GFRAL: variants seen among roughly 807,000 people sequenced by gnomAD.
GFRAL encodes GDNF family receptor alpha-like.
GFRAL carries 36 observed loss-of-function variants against 45.4 expected under a neutral mutation model. That is an observed-to-expected ratio of 0.79 (90% CI 0.61 to 1.05). The LOEUF (loss-of-function observed/expected upper bound fraction) is 1.05. Among genes scored for constraint, GFRAL ranks in the 50% least tolerant of loss-of-function variants. The probability of loss-of-function intolerance (pLI) is 0.00; values close to 1 mark genes in which losing one functional copy is unlikely to be tolerated. For missense variants in GFRAL, 507 were observed against 467.5 expected (o/e 1.08, Z -0.78); for synonymous variants, 166 against 154.1 (o/e 1.08, Z -0.57).
chr6:55,358,467 G>A (rs1007819443), intron 5 of GFRAL, among the ~76,000 whole-genome samples: 1 of 151,786 alleles, frequency 6.6e-6, no homozygotes, highest in African/African-American at 2.4e-5. Flanking sequence ...CCATCCTGTG[G>A]GATAACTGAC....
chr6:55,377,608 G>T (rs1410659982), intron 6 of GFRAL, among the ~76,000 whole-genome samples: 3 of 151,954 alleles, frequency 2.0e-5, no homozygotes, highest in Admixed American at 2.0e-4. Context: ...CTTATCTGTG[G>T]GGAGGCTGGG....
chr6:55,337,163 C>T (rs778906761), intron 3 of GFRAL, among the ~76,000 whole-genome samples: 22 of 152,036 alleles, frequency 1.4e-4, no homozygotes, highest in Non-Finnish European at 2.9e-4. Flanking sequence ...TTCTCCTCCC[C>T]CGTGTCCTGC....
At chr6:55,362,148 T>C (rs779777054) in intron 6 of GFRAL, among the ~76,000 whole-genome samples, 2 of 151,784 alleles carry the variant, frequency 1.3e-5, no homozygotes, top group Admixed American at 1.3e-4. Context: ...GGAACAAAAA[T>C]TTTTCTGGAA....
At chr6:55,330,366 C>T (rs1274045715) in intron 1 of GFRAL, among the ~76,000 whole-genome samples, 1 of 151,930 alleles carries the variant, frequency 6.6e-6, no homozygotes, top group Admixed American at 6.6e-5. Flanking sequence ...CTGTACAATC[C>T]AGTGGTGGAG....
At chr6:55,342,814 A>G (rs936067183) in intron 3 of GFRAL, among the ~76,000 whole-genome samples, 10 of 152,158 alleles carry the variant, frequency 6.6e-5, no homozygotes, top group African/African-American at 2.4e-4. Flanking sequence ...TAGGCTCAAA[A>G]TAAAAGGATG....
chr6:55,390,840 A>G (rs1290826799), intron 6 of GFRAL, among the ~76,000 whole-genome samples: 2 of 151,718 alleles, frequency 1.3e-5, no homozygotes, highest in Non-Finnish European at 2.9e-5. Context: ...GTGAGCCAAG[A>G]TCGCGCCATT....
intron 3 of GFRAL, among the ~76,000 whole-genome samples, chr6:55,341,643 C>T (rs913445785): frequency 1.3e-5 from 2 of 152,146 alleles, no homozygotes; most frequent in Non-Finnish European, 2.9e-5. Context: ...AATGCAACAC[C>T]TCGCCAGCAA....
intron 1 of GFRAL, among the ~76,000 whole-genome samples, chr6:55,328,854 A>C (rs1202561655): frequency 2.6e-5 from 4 of 152,038 alleles, no homozygotes; most frequent in Admixed American, 6.6e-5. Flanking sequence ...TGTTGTACCA[A>C]CATTTCCCAT....
At chr6:55,360,757 A>G (rs1425589575) in intron 6 of GFRAL, among the ~76,000 whole-genome samples, 1 of 151,984 alleles carries the variant, frequency 6.6e-6, no homozygotes, top group Non-Finnish European at 1.5e-5. Flanking sequence ...TCATATGATT[A>G]CAGCAGGAAA....
intron 6 of GFRAL, among the ~76,000 whole-genome samples, chr6:55,369,580 A>G (rs1452519537): frequency 4.0e-5 from 6 of 151,346 alleles, no homozygotes; most frequent in Admixed American, 3.3e-4. Context: ...GTTTTTACAG[A>G]CATTGCTGCA....
chr6:55,359,002 T>G lies in GFRAL; in HGVS notation c.816T>G (p.Ser272Arg). Reference sequence around the variant, plus strand: ...AACAGGACCTCACTTGTTCAGGAAGTGATGACTGCAAAGCTGCTTACATAG... The same window carrying G: ...AACAGGACCTCACTTGTTCAGGAAGGGATGACTGCAAAGCTGCTTACATAG... ...LSKQDLTCSGSDDCKAAYIDI... is the reference protein window; with the variant it reads ...LSKQDLTCSGRDDCKAAYIDI... Residue 272 changes from serine (S) to arginine (R), a missense_variant, in exon 6 of 9, where the codon AGT becomes AGG. Coordinates refer to ENST00000340465, the MANE Select transcript of GFRAL (RefSeq NM_207410.2). 1 of 1,613,126 alleles carries G rather than the reference T, an allele frequency of 6.2e-7. No individual in the cohort carries two copies. The highest frequency in any genetic ancestry group is 8.5e-7 in the Non-Finnish European group (1 of 1,179,394).
intron 6 of GFRAL, among the ~76,000 whole-genome samples, chr6:55,359,868 G>A (rs751820824): frequency 1.3e-5 from 2 of 151,784 alleles, no homozygotes; most frequent in African/African-American, 2.4e-5. Context: ...ACTACATAAG[G>A]ATATGAATAT....
chr6:55,334,882 G>A (rs2127350332), intron 3 of GFRAL, among the ~76,000 whole-genome samples: 1 of 152,254 alleles, frequency 6.6e-6, no homozygotes, highest in African/African-American at 2.4e-5. Flanking sequence ...TTTTCTTGAA[G>A]AGTAGTATTT....
intron 6 of GFRAL, among the ~76,000 whole-genome samples, chr6:55,392,881 AC>A (rs1294106763): frequency 2.0e-4 from 30 of 152,280 alleles, no homozygotes; most frequent in African/African-American, 7.0e-4. Context: ...TAAAAATTAA[AC>A]AAAATAGAAT....
chr6:55,364,501 G>A (rs1295836034), intron 6 of GFRAL, among the ~76,000 whole-genome samples: 2 of 144,652 alleles, frequency 1.4e-5, no homozygotes, highest in Admixed American at 1.4e-4. Context: ...CTTTAGACAT[G>A]AAGTCCTTGC....
chr6:55,343,126 G>A (rs6937930), intron 3 of GFRAL, among the ~76,000 whole-genome samples: 11 of 151,910 alleles, frequency 7.2e-5, no homozygotes, highest in African/African-American at 1.4e-4. Context: ...AATGAGACAG[G>A]AAGGTAACAA....
intron 6 of GFRAL, among the ~76,000 whole-genome samples, chr6:55,360,196 T>C (rs1768254453): frequency 6.6e-6 from 1 of 151,880 alleles, no homozygotes; most frequent in African/African-American, 2.4e-5. Context: ...AAAACCTCTC[T>C]ATTATCCATC....
chr6:55,375,792 T>C (rs1416905062), intron 6 of GFRAL, among the ~76,000 whole-genome samples: 1 of 152,074 alleles, frequency 6.6e-6, no homozygotes, highest in African/African-American at 2.4e-5. Context: ...AGATACAGGA[T>C]CATGTCTTCT....
chr6:55,346,854 A>C (rs1768050317), intron 3 of GFRAL, among the ~76,000 whole-genome samples: 1 of 142,196 alleles, frequency 7.0e-6, no homozygotes, highest in Non-Finnish European at 1.6e-5. Flanking sequence ...AAAAAAAGAA[A>C]AAACAAAGTA....
Sources: gnomAD v4.1 joint callset for allele counts (sites outside exome capture counted in the v4.1 genomes callset) on GRCh38, gnomAD v4.1.1 for gene constraint, MANE v1.5 for transcripts, NCBI Gene and HGNC (gene_info 2026-07-23, HGNC 2026-07-21) for gene names.